The following ARHGAP26 variants were observed in gnomAD, a reference collection of about 807,000 sequenced individuals.
The protein encoded by ARHGAP26 is rho GTPase-activating protein 26.
A neutral mutation model predicts 104.8 loss-of-function variants in ARHGAP26; 38 were observed. The ratio of observed to expected loss-of-function variants is 0.36; its 90% confidence interval spans 0.28 to 0.48. The LOEUF is 0.48. Ranked by LOEUF, ARHGAP26 falls within the 20% of genes least tolerant of loss-of-function variation. The probability of loss-of-function intolerance (pLI) is 0.99; values close to 1 mark genes in which losing one functional copy is unlikely to be tolerated. For missense variants in ARHGAP26, 704 were observed against 947.9 expected (o/e 0.74, Z 3.38); for synonymous variants, 341 against 340.0 (o/e 1.00, Z -0.03).
intron 17 of ARHGAP26, among the ~76,000 whole-genome samples, chr5:143,089,803 C>G (rs1217075570): frequency 6.6e-6 from 1 of 152,182 alleles, no homozygotes; most frequent in Non-Finnish European, 1.5e-5. Context: ...CCATGGGACT[C>G]TAATTGTGTC....
At chr5:142,772,681 G>A (rs546458766) in intron 1 of ARHGAP26, 1 of 519,942 alleles carries the variant, frequency 1.9e-6, no homozygotes, top group East Asian at 5.5e-5. Flanking sequence ...CACAGCTCTA[G>A]CAGCAGGACC....
chr5:142,831,350 C>A (rs1429294957), intron 1 of ARHGAP26, among the ~76,000 whole-genome samples: 1 of 151,696 alleles, frequency 6.6e-6, no homozygotes, highest in African/African-American at 2.4e-5. Flanking sequence ...CCTGGCCTTT[C>A]CTCATCTCCT....
rs192792186 is a variant in ARHGAP26 at position 143,224,001 on chromosome 5, G to C, written c.*1555G>C. On this transcript the variant is annotated 3_prime_UTR_variant, in exon 23 of 23. Transcript: ENST00000645722. The stretch of plus-strand genomic sequence containing the variant: ...CGTCAAGCTCCCCAGGAGCCCCTTG[G>C]ATGGCAGCGTTGCTTCAGAGTGTTT... The C allele has an allele frequency of 2.0e-4, 47 of 232,024 alleles. No individual in the cohort carries two copies. In the East Asian group the frequency reaches 2.7e-3, roughly 13 times the overall value. 14.4% of individuals were successfully genotyped at this position (232,024 alleles called of 1,614,324 possible).
intron 17 of ARHGAP26, among the ~76,000 whole-genome samples, chr5:143,096,093 A>G (rs1358843789): frequency 6.6e-6 from 1 of 152,228 alleles, no homozygotes; most frequent in South Asian, 2.1e-4. Context: ...ATGCAGTTAC[A>G]TTAAGATCTA....
chr5:142,902,637 G>A (rs553585096), intron 7 of ARHGAP26, among the ~76,000 whole-genome samples: 1 of 152,218 alleles, frequency 6.6e-6, no homozygotes, highest in African/African-American at 2.4e-5. Flanking sequence ...TGTGGGATTG[G>A]ACCATGTTAT....
At chr5:143,150,140 C>CA (rs1799642131) in intron 20 of ARHGAP26, among the ~76,000 whole-genome samples, 1 of 152,188 alleles carries the variant, frequency 6.6e-6, no homozygotes, top group Non-Finnish European at 1.5e-5. Context: ...GGCAGGTCCT[C>CA]AGCTTGACTC....
intron 10 of ARHGAP26, among the ~76,000 whole-genome samples, chr5:142,916,903 C>T (rs1043825388): frequency 3.3e-5 from 5 of 152,160 alleles, no homozygotes; most frequent in African/African-American, 1.2e-4. Context: ...GGGGGTAGGT[C>T]CTCCATTATT....
intron 12 of ARHGAP26, among the ~76,000 whole-genome samples, chr5:143,023,406 G>T (rs1441185951): frequency 6.6e-6 from 1 of 152,206 alleles, no homozygotes; most frequent in African/African-American, 2.4e-5. Context: ...CTTGAAAACT[G>T]TAGGGAAAGC....
chr5:142,991,616 A>G (rs1378867399), intron 11 of ARHGAP26, among the ~76,000 whole-genome samples: 1 of 152,126 alleles, frequency 6.6e-6, no homozygotes, highest in East Asian at 1.9e-4. Flanking sequence ...TCTTTATACC[A>G]TATTTTTACT....
intron 1 of ARHGAP26, among the ~76,000 whole-genome samples, chr5:142,800,969 G>A (rs1761972337): frequency 6.6e-6 from 1 of 152,096 alleles, no homozygotes; most frequent in South Asian, 2.1e-4. Context: ...CTCCCTGATG[G>A]GGAACATCAG....
chr5:143,147,444 T>C (rs1799304992), intron 20 of ARHGAP26, 63 bp downstream of exon 20: 1 of 1,560,736 alleles, frequency 6.4e-7, no homozygotes, highest in East Asian at 2.3e-5. Context: ...ACCTAGAATT[T>C]GCTGTCTGGC....
chr5:142,983,515 G>C lies in ARHGAP26; in HGVS notation c.1108-30565G>C, dbSNP rs147356602. On this transcript the variant is annotated intron_variant, in intron 11 of 22. Coordinates refer to ENST00000645722, the MANE Select transcript of ARHGAP26 (RefSeq NM_001135608.3). ...GCCTCCACGACCAGCCTGGTCCTTT[G>C]TTTCTATTGTTTTCAAAATGGTCTG... Among the ~76,000 whole-genome samples, 17 of 152,270 alleles carry C rather than the reference G, an allele frequency of 1.1e-4. No individual in the cohort carries two copies. In the East Asian group the frequency reaches 2.7e-3, roughly 24 times the overall value.
At chr5:142,982,102 A>G (rs892770312) in intron 11 of ARHGAP26, among the ~76,000 whole-genome samples, 2 of 152,156 alleles carry the variant, frequency 1.3e-5, no homozygotes, top group African/African-American at 4.8e-5. Context: ...CCTGTGACCA[A>G]ATGTTTAGCA....
intron 1 of ARHGAP26, among the ~76,000 whole-genome samples, chr5:142,843,201 G>A (rs994120992): frequency 2.0e-5 from 3 of 152,244 alleles, no homozygotes; most frequent in Non-Finnish European, 4.4e-5. Context: ...ATGTTGGATA[G>A]TTGGCTCTGG....
intron 17 of ARHGAP26, chr5:143,058,292 A>C (rs566351167): frequency 8.4e-6 from 2 of 237,488 alleles, no homozygotes; most frequent in Non-Finnish European, 1.7e-5. Flanking sequence ...TTGATTTTTG[A>C]AGTTACATGC....
intron 17 of ARHGAP26, among the ~76,000 whole-genome samples, chr5:143,113,499 A>G (rs1270101627): frequency 6.6e-6 from 1 of 152,048 alleles, no homozygotes; most frequent in Admixed American, 6.6e-5. Flanking sequence ...CATTTTGGCT[A>G]TTTTTCCCTC....
At chr5:142,964,873 T>G (rs1266799923) in intron 11 of ARHGAP26, among the ~76,000 whole-genome samples, 1 of 152,140 alleles carries the variant, frequency 6.6e-6, no homozygotes, top group Non-Finnish European at 1.5e-5. Flanking sequence ...AAAAGACAGC[T>G]GGGCCCGGGG....
chr5:143,023,071 C>T (rs940547090), intron 12 of ARHGAP26, among the ~76,000 whole-genome samples: 7 of 152,248 alleles, frequency 4.6e-5, no homozygotes, highest in Admixed American at 4.6e-4. Context: ...TCACGCATTT[C>T]ACTGACTGGC....
chr5:142,948,409 A>AAT (rs10552247), intron 11 of ARHGAP26, among the ~76,000 whole-genome samples: 3,296 of 150,116 alleles, frequency 0.022, 108 homozygotes, highest in African/African-American at 0.072. Flanking sequence ...GTGTGTATTA[A>AAT]ATATATATAT....
Sources: gnomAD v4.1 joint callset for allele counts (sites outside exome capture counted in the v4.1 genomes callset) on GRCh38, gnomAD v4.1.1 for gene constraint, MANE v1.5 for transcripts, NCBI Gene and HGNC (gene_info 2026-07-23, HGNC 2026-07-21) for gene names.